The following IQCM variants were observed in gnomAD, a reference collection of about 807,000 sequenced individuals.
The protein encoded by IQCM is IQ domain-containing protein M.
In IQCM, 45 loss-of-function variants were observed where a neutral mutation model predicts 57.6. That is an observed-to-expected ratio of 0.78 (90% CI 0.62 to 1.00). The LOEUF (loss-of-function observed/expected upper bound fraction) is 1.00. Among genes scored for constraint, IQCM ranks in the 50% least tolerant of loss-of-function variants. IQCM has a pLI of 0.00. For synonymous variants in IQCM, 148 were observed against 158.9 expected, an observed-to-expected ratio of 0.93 and a Z score of 0.51; for missense variants, 468 against 511.6, an observed-to-expected ratio of 0.91 and a Z score of 0.82.
chr4:149,466,714 T>G (rs1738893097), intron 12 of IQCM, among the ~76,000 whole-genome samples: 1 of 152,184 alleles, frequency 6.6e-6, no homozygotes, highest in African/African-American at 2.4e-5. Context: ...AATAACATAT[T>G]GTCTTAATAT....
intron 7 of IQCM, among the ~76,000 whole-genome samples, chr4:149,636,735 T>C (rs1173457879): frequency 6.6e-6 from 1 of 152,094 alleles, no homozygotes; most frequent in Non-Finnish European, 1.5e-5. Context: ...AATAAGAAAA[T>C]GATAAGTAGA....
intron 9 of IQCM, among the ~76,000 whole-genome samples, chr4:149,571,689 C>T (rs1201120896): frequency 6.6e-6 from 1 of 152,058 alleles, no homozygotes; most frequent in Non-Finnish European, 1.5e-5. Context: ...TGTTAATTAG[C>T]TCGATTTAGT....
At chr4:149,413,569 C>T (rs1341371343) in intron 13 of IQCM, among the ~76,000 whole-genome samples, 3 of 152,004 alleles carry the variant, frequency 2.0e-5, no homozygotes, top group Non-Finnish European at 4.4e-5. Flanking sequence ...TATATCAAGA[C>T]TTTAATAAGG....
intron 12 of IQCM, among the ~76,000 whole-genome samples, chr4:149,520,235 T>TTG (rs1314856182): frequency 1.3e-5 from 2 of 151,492 alleles, no homozygotes; most frequent in African/African-American, 4.9e-5. Context: ...TTTTTTTTTT[T>TTG]TTTTGCAGGT....
intron 12 of IQCM, among the ~76,000 whole-genome samples, chr4:149,517,996 C>T (rs954581208): frequency 6.6e-6 from 1 of 152,114 alleles, no homozygotes; most frequent in Non-Finnish European, 1.5e-5. Context: ...CCTCTAGAGA[C>T]CCCTAATACA....
chr4:149,744,133 C>T (rs1767707868), intron 2 of IQCM, among the ~76,000 whole-genome samples: 1 of 152,206 alleles, frequency 6.6e-6, no homozygotes, highest in African/African-American at 2.4e-5. Flanking sequence ...TCAGCTTCTA[C>T]CCAGAGCGGG....
chr4:149,770,167 A>C (rs1034489411), intron 2 of IQCM, among the ~76,000 whole-genome samples: 7 of 152,126 alleles, frequency 4.6e-5, no homozygotes, highest in Non-Finnish European at 1.0e-4. Context: ...AGAAAGTTAA[A>C]TAAGTGTATT....
chr4:149,573,764 T>A (rs1751380501), intron 9 of IQCM, among the ~76,000 whole-genome samples: 2 of 105,088 alleles, frequency 1.9e-5, no homozygotes, highest in African/African-American at 8.1e-5. Flanking sequence ...AGTGAGACCC[T>A]GGCTCAAAAA....
intron 7 of IQCM, among the ~76,000 whole-genome samples, chr4:149,668,184 C>T (rs377448841): frequency 3.3e-5 from 5 of 152,088 alleles, no homozygotes; most frequent in African/African-American, 4.8e-5. Flanking sequence ...AGAGAAAGGT[C>T]GGGTTACCTA....
intron 13 of IQCM, among the ~76,000 whole-genome samples, chr4:149,385,082 C>G (rs368506355): frequency 6.6e-6 from 1 of 151,970 alleles, no homozygotes; most frequent in African/African-American, 2.4e-5. Context: ...GCCATTTATC[C>G]TAAAGGACTG....
chr4:149,572,263 A>G (rs1024697742), intron 9 of IQCM, among the ~76,000 whole-genome samples: 47 of 151,634 alleles, frequency 3.1e-4, no homozygotes, highest in Non-Finnish European at 4.9e-4. Context: ...TGATCCTTTT[A>G]TTTTCCTTTT....
intron 7 of IQCM, chr4:149,666,097 T>C (rs2150165320): frequency 6.6e-6 from 1 of 152,450 alleles, no homozygotes; most frequent in African/African-American, 2.4e-5. Context: ...GACTTCACCT[T>C]GTGTGAGTCA....
intron 13 of IQCM, among the ~76,000 whole-genome samples, chr4:149,394,605 CT>C (rs2111101145): frequency 6.6e-6 from 1 of 151,946 alleles, no homozygotes; most frequent in South Asian, 2.1e-4. Context: ...CTCGATTTCC[CT>C]GGGGGTGAGG....
intron 12 of IQCM, among the ~76,000 whole-genome samples, chr4:149,437,436 G>T (rs1735473644): frequency 6.6e-6 from 1 of 152,048 alleles, no homozygotes; most frequent in Non-Finnish European, 1.5e-5. Context: ...AGTTCGCTAA[G>T]AATAATGGCT....
intron 2 of IQCM, among the ~76,000 whole-genome samples, chr4:149,803,870 T>G (rs1164033483): frequency 6.6e-6 from 1 of 151,928 alleles, no homozygotes; most frequent in Admixed American, 6.6e-5. Context: ...AAGGGCCCTA[T>G]TGATGTGGTG....
chr4:149,789,623 C>T (rs534018658), intron 2 of IQCM, among the ~76,000 whole-genome samples: 4 of 152,300 alleles, frequency 2.6e-5, no homozygotes, highest in African/African-American at 9.6e-5. Flanking sequence ...AGTTCAAGAC[C>T]AGCTGAGCAT....
intron 12 of IQCM, among the ~76,000 whole-genome samples, chr4:149,453,317 A>C (rs1463055882): frequency 1.3e-5 from 2 of 151,764 alleles, no homozygotes; most frequent in Non-Finnish European, 1.5e-5. Flanking sequence ...AAATATAACA[A>C]CACCAAACTC....
chr4:149,601,731 G>A (rs745702446), intron 8 of IQCM, among the ~76,000 whole-genome samples: 1 of 152,104 alleles, frequency 6.6e-6, no homozygotes, highest in Non-Finnish European at 1.5e-5. Context: ...ATCTGGTTCT[G>A]CATCTGCAGA....
rs960778996 is a variant in IQCM, at chr4:149,813,061, A to T, written c.-49+2250T>A. Among the ~76,000 whole-genome samples the T allele has an allele frequency of 4.6e-5, 7 of 152,282 alleles. No homozygotes were observed. In the East Asian group the frequency reaches 1.2e-3, roughly 25 times the overall value. ...TTAAAATATTACATTTTGTCTTAAT[A>T]TTCAAAATTCACATGATGGGGCTGG... On this transcript the variant is annotated intron_variant, in intron 2 of 13. Transcript: ENST00000636793.
Sources: allele counts gnomAD v4.1 joint callset (sites outside exome capture counted in the v4.1 genomes callset), GRCh38; gene constraint gnomAD v4.1.1; transcripts MANE v1.5; gene names NCBI Gene and HGNC (gene_info 2026-07-23, HGNC 2026-07-21).